Variants in JPH3 observed in about 807,000 individuals in gnomAD.
The protein encoded by JPH3 is junctophilin-3.
A neutral mutation model predicts 59.6 loss-of-function variants in JPH3; 11 were observed. The observed-to-expected ratio is 0.18, with a 90% CI of 0.12 to 0.31. JPH3 has a LOEUF of 0.31. JPH3 is among the 10% of genes least tolerant of loss of function. The pLI is 1.00. For synonymous variants in JPH3, 673 were observed against 483.6 expected (o/e 1.39, Z -5.14); for missense variants, 1,202 against 1,105.7 (o/e 1.09, Z -1.24).
chr16:87,672,249 C>T (rs1001192450), intron 2 of JPH3, among the ~76,000 whole-genome samples: 6 of 152,118 alleles, frequency 3.9e-5, no homozygotes, highest in South Asian at 2.1e-4. Context: ...TCTAACACGC[C>T]GGGAGCCCTG....
chr16:87,690,985 G>A (rs8044545), intron 4 of JPH3, among the ~76,000 whole-genome samples: 3 of 151,974 alleles, frequency 2.0e-5, no homozygotes, highest in African/African-American at 7.3e-5. Flanking sequence ...GTTGGGGGGA[G>A]CTGCCAGTCC....
At chr16:87,603,968 C>T in intron 1 of JPH3, 8 of 558,022 alleles carry the variant, frequency 1.4e-5, no homozygotes, top group Non-Finnish European at 1.8e-5. Flanking sequence ...GGTGTTCCTG[C>T]GGCGCCCGAG....
intron 1 of JPH3, among the ~76,000 whole-genome samples, chr16:87,625,016 C>G (rs2031319201): frequency 6.6e-6 from 1 of 152,198 alleles, no homozygotes; most frequent in Non-Finnish European, 1.5e-5. Flanking sequence ...CCAGGCTGGT[C>G]TCGAACTCCT....
intron 2 of JPH3, among the ~76,000 whole-genome samples, chr16:87,681,028 C>A (rs191520939): frequency 1.5e-4 from 23 of 152,278 alleles, no homozygotes; most frequent in African/African-American, 5.5e-4. Context: ...TGAAAGACCC[C>A]GTCCTCTCCG....
rs372098589 is a variant in JPH3, at chr16:87,639,627, C to G, written c.383-4631C>G. On this transcript the variant is annotated intron_variant, in intron 1 of 4. Transcript: ENST00000284262. ...TCCCTCCTGTCCTCCCTCCTGGCCTCCCTCCTGGCCTCCCGCCTGTCCTCC... is the reference window on the plus strand; with the variant it reads ...TCCCTCCTGTCCTCCCTCCTGGCCTGCCTCCTGGCCTCCCGCCTGTCCTCC... Among the ~76,000 whole-genome samples the G allele has an allele frequency of 3.4e-3, 512 of 150,818 alleles. 4 individuals carry two copies. Among genetic ancestry groups the G allele is most frequent in the African/African-American group, 0.012 (470 of 40,668 alleles).
At chr16:87,636,305 G>T (rs941920549) in intron 1 of JPH3, among the ~76,000 whole-genome samples, 3 of 152,210 alleles carry the variant, frequency 2.0e-5, no homozygotes, top group Admixed American at 6.5e-5. Context: ...GCGGTTGGCC[G>T]CCAAGCACTA....
intron 1 of JPH3, among the ~76,000 whole-genome samples, chr16:87,619,394 A>G (rs1023437470): frequency 1.3e-5 from 2 of 151,726 alleles, no homozygotes; most frequent in Non-Finnish European, 2.9e-5. Flanking sequence ...CACCACTGTG[A>G]GCCACCGGCT....
At chr16:87,689,518 C>G in intron 3 of JPH3, 128 bp from the exon 4 acceptor site, 1 of 1,011,446 alleles carries the variant, frequency 9.9e-7, no homozygotes, top group Non-Finnish European at 1.5e-6. Context: ...TTGCCTGCAG[C>G]CTTTCGGTGA....
intron 1 of JPH3, among the ~76,000 whole-genome samples, chr16:87,639,199 G>T (rs2031857575): frequency 6.6e-6 from 1 of 152,156 alleles, no homozygotes; most frequent in Non-Finnish European, 1.5e-5. Context: ...CCTGTGATCT[G>T]CACAGCCGCC....
At chr16:87,622,816 G>A (rs1342477735) in intron 1 of JPH3, among the ~76,000 whole-genome samples, 1 of 152,190 alleles carries the variant, frequency 6.6e-6, no homozygotes, top group East Asian at 1.9e-4. Flanking sequence ...GTGGGCTGGG[G>A]CTGGGGGGCT....
chr16:87,616,722 G>C (rs964412030), intron 1 of JPH3, among the ~76,000 whole-genome samples: 6 of 152,182 alleles, frequency 3.9e-5, no homozygotes, highest in African/African-American at 1.4e-4. Flanking sequence ...ACACAGTCAG[G>C]ATGGGGAGCA....
chr16:87,624,256 T>A (rs1020296916), intron 1 of JPH3, among the ~76,000 whole-genome samples: 1 of 152,210 alleles, frequency 6.6e-6, no homozygotes, highest in Non-Finnish European at 1.5e-5. Flanking sequence ...CTCACCATAA[T>A]CAATTTTAGA....
intron 1 of JPH3, among the ~76,000 whole-genome samples, chr16:87,628,470 G>C (rs2031456392): frequency 6.6e-6 from 1 of 152,242 alleles, no homozygotes; most frequent in Admixed American, 6.5e-5. Context: ...TGGCCTTCGT[G>C]AGTGATGGCC....
chr16:87,691,538 G>A (rs1432398753), intron 4 of JPH3, among the ~76,000 whole-genome samples: 1 of 152,164 alleles, frequency 6.6e-6, no homozygotes, highest in Non-Finnish European at 1.5e-5. Context: ...TGTCGACGCT[G>A]CGGCAGGGGT....
chr16:87,685,130 G>A (rs1483347128), intron 3 of JPH3, among the ~76,000 whole-genome samples: 3 of 152,238 alleles, frequency 2.0e-5, no homozygotes, highest in Non-Finnish European at 2.9e-5. Context: ...GAGGAGCCCA[G>A]CCTGGGGGCT....
At chr16:87,617,991 C>T (rs535678177) in intron 1 of JPH3, among the ~76,000 whole-genome samples, 169 of 152,038 alleles carry the variant, frequency 1.1e-3, no homozygotes, top group Non-Finnish European at 2.2e-3. Context: ...AACGAAGCCC[C>T]GTCTCTACAG....
At chr16:87,609,163 G>A (rs1231891396) in intron 1 of JPH3, among the ~76,000 whole-genome samples, 3 of 152,268 alleles carry the variant, frequency 2.0e-5, no homozygotes, top group African/African-American at 4.8e-5. Context: ...TCCTGAAGAA[G>A]TGAGTGTCTT....
At position 87,684,111 on chromosome 16, in the gene JPH3, C is replaced by T. The variant is rs921826262; in HGVS notation, c.1161-31C>T. ...GACCCCTGTCACCTGTGCCCCCTGC[C>T]CCCCCTCACGCTCCTCCCTGTCTCC... On this transcript the variant is annotated intron_variant, in intron 2 of 4. Coordinates refer to ENST00000284262, the MANE Select transcript of JPH3 (RefSeq NM_020655.4). 2.5e-6 allele frequency: 4 copies of T among 1,581,232 alleles called. No homozygotes were observed. The Admixed American group carries it at 5.0e-5, about 20-fold the overall frequency.
chr16:87,615,103 A>T (rs529217162), intron 1 of JPH3, among the ~76,000 whole-genome samples: 2 of 150,416 alleles, frequency 1.3e-5, no homozygotes, highest in Non-Finnish European at 2.9e-5. Flanking sequence ...GAATAAAGGA[A>T]GGTCCCTGCA....
Sources: allele counts gnomAD v4.1 joint callset (sites outside exome capture counted in the v4.1 genomes callset), GRCh38; gene constraint gnomAD v4.1.1; transcripts MANE v1.5; gene names NCBI Gene and HGNC (gene_info 2026-07-23, HGNC 2026-07-21).